ANKRD28: variants seen among roughly 807,000 people sequenced by gnomAD.
ANKRD28 encodes the protein ankyrin repeat domain 28, also known as serine/threonine-protein phosphatase 6 regulatory ankyrin repeat subunit A.
ANKRD28 carries 44 observed loss-of-function variants against 126.5 expected under a neutral mutation model. The observed-to-expected ratio is 0.35, with a 90% CI of 0.27 to 0.45. The LOEUF is 0.45. ANKRD28 is among the 20% of genes least tolerant of loss of function. The probability of loss-of-function intolerance (pLI) is 1.00; values close to 1 mark genes in which losing one functional copy is unlikely to be tolerated. For missense variants in ANKRD28, 1,110 were observed against 1,316.6 expected (o/e 0.84, Z 2.43); for synonymous variants, 442 against 468.5 (o/e 0.94, Z 0.73).
chr3:15,796,772 A>G lies in ANKRD28; in HGVS notation c.-251T>C. 1.0e-6 allele frequency: 1 copy of G among 989,258 alleles called. No individual in the cohort carries two copies. The highest frequency in any genetic ancestry group is 1.7e-5 in the African/African-American group (1 of 57,394). The allele number at this position is 989,258 out of a possible 1,614,324, so 61.3% of individuals were successfully genotyped here. On this transcript the variant is annotated 5_prime_UTR_variant, in exon 1 of 28. Transcript: ENST00000683139. ...TGTTGGATTACTGCAATACTTAAGA[A>G]GAAATTTCACACCAACATGTCAATA... is the stretch of plus-strand genomic sequence containing the variant.
intron 18 of ANKRD28, chr3:15,686,572 G>A: frequency 2.2e-6 from 1 of 456,118 alleles, no homozygotes; most frequent in East Asian, 4.6e-5. Context: ...CTAAAAGAAT[G>A]CTCATTTTAT....
At chr3:15,711,668 A>G (rs1441258477) in intron 11 of ANKRD28, among the ~76,000 whole-genome samples, 1 of 151,970 alleles carries the variant, frequency 6.6e-6, no homozygotes, top group Non-Finnish European at 1.5e-5. Flanking sequence ...TCTTTCTTTA[A>G]CAGGGGATGA....
intron 14 of ANKRD28, among the ~76,000 whole-genome samples, chr3:15,706,569 T>C (rs1172405801): frequency 3.3e-5 from 5 of 152,198 alleles, no homozygotes; most frequent in Non-Finnish European, 1.5e-5. Context: ...TGTGTCTTTA[T>C]AGCAGCATGA....
At chr3:15,694,108 A>G (rs2069186909) in intron 17 of ANKRD28, among the ~76,000 whole-genome samples, 1 of 152,154 alleles carries the variant, frequency 6.6e-6, no homozygotes, top group South Asian at 2.1e-4. Context: ...CTTTCTGTAC[A>G]GGAAGCTAGA....
At chr3:15,774,618 A>G (rs899119393) in intron 2 of ANKRD28, among the ~76,000 whole-genome samples, 1 of 152,194 alleles carries the variant, frequency 6.6e-6, no homozygotes, top group Admixed American at 6.5e-5. Context: ...TATCTTTACA[A>G]CTCAAGTTAG....
At chr3:15,803,839 T>G (rs1260613022) in intron 1 of ANKRD28, among the ~76,000 whole-genome samples, 2 of 144,288 alleles carry the variant, frequency 1.4e-5, no homozygotes, top group Non-Finnish European at 3.0e-5. Context: ...GTGCATTTCA[T>G]GCTCTCAAAC....
intron 14 of ANKRD28, among the ~76,000 whole-genome samples, chr3:15,697,766 C>T (rs2069866386): frequency 1.3e-5 from 2 of 152,146 alleles, no homozygotes; most frequent in South Asian, 2.1e-4. Context: ...AGGGAGGATT[C>T]CCTCTTTTTC....
chr3:15,834,885 A>G (rs2061289001), intron 1 of ANKRD28, among the ~76,000 whole-genome samples: 1 of 152,216 alleles, frequency 6.6e-6, no homozygotes. Context: ...TGCTGATAAT[A>G]CCCAACCTTC....
Position 15,719,014 on chromosome 3 carries a change from A to G in ANKRD28, c.996+1901T>C, listed in dbSNP as rs4685257. ...AAATAAGCAGTTCAAACCTGTAATA[A>G]ATAAACTTTCTAGTAATTACTTAAA... On this transcript the variant is annotated intron_variant, in intron 8 of 27. Transcript: ENST00000683139. Among the ~76,000 whole-genome samples, 1,131 of 152,332 alleles carry G rather than the reference A, an allele frequency of 7.4e-3. 46 individuals carry two copies. The highest frequency in any genetic ancestry group is 0.069 in the Admixed American group (1,050 of 15,282).
At chr3:15,852,161 CACTT>C (rs1007689533) in intron 1 of ANKRD28, among the ~76,000 whole-genome samples, 2 of 152,164 alleles carry the variant, frequency 1.3e-5, no homozygotes, top group African/African-American at 4.8e-5. Context: ...TATTAAAAAA[CACTT>C]AATTGTACAA....
At chr3:15,734,793 C>T (rs1377316743) in intron 6 of ANKRD28, among the ~76,000 whole-genome samples, 2 of 152,214 alleles carry the variant, frequency 1.3e-5, no homozygotes, top group African/African-American at 4.8e-5. Context: ...CCCGGCTCTG[C>T]AAGAACCAAT....
chr3:15,698,267 AC>A (rs1363263855), intron 14 of ANKRD28, among the ~76,000 whole-genome samples: 1 of 152,128 alleles, frequency 6.6e-6, no homozygotes, highest in Non-Finnish European at 1.5e-5. Context: ...GTTATGACAA[AC>A]CCACAGCCAA....
At chr3:15,783,671 C>T (rs1275960168) in intron 2 of ANKRD28, among the ~76,000 whole-genome samples, 1 of 151,954 alleles carries the variant, frequency 6.6e-6, no homozygotes, top group African/African-American at 2.4e-5. Flanking sequence ...TGGAATACTA[C>T]TCAGCAACAG....
At chr3:15,794,465 C>T (rs918220325) in intron 2 of ANKRD28, among the ~76,000 whole-genome samples, 1 of 152,098 alleles carries the variant, frequency 6.6e-6, no homozygotes, top group Non-Finnish European at 1.5e-5. Context: ...TCACCCCCTC[C>T]ATAACTCAGG....
At chr3:15,724,572 C>G in intron 6 of ANKRD28, 48 bp from the exon 7 acceptor site, 1 of 1,489,042 alleles carries the variant, frequency 6.7e-7, no homozygotes, top group Non-Finnish European at 9.0e-7. Flanking sequence ...CATATGAAAA[C>G]TATTAAATAT....
At chr3:15,711,789 C>T (rs1248849783) in intron 11 of ANKRD28, among the ~76,000 whole-genome samples, 3 of 151,776 alleles carry the variant, frequency 2.0e-5, no homozygotes, top group Non-Finnish European at 2.9e-5. Context: ...TGGGTTCAAG[C>T]GATTCTCCTG....
At position 15,843,137 on chromosome 3, in the gene ANKRD28, C is replaced by T. The variant is rs114887452; in HGVS notation, c.27+16240G>A. ...AGGGAGGCCTCAAGAAGCTTTCAAT[C>T]ATGGTGGAAGGCAAAGAGGTAGCAG... is the stretch of plus-strand genomic sequence containing the variant. On this transcript the variant is annotated intron_variant, in intron 1 of 27. Transcript: ENST00000399451. The surrounding 1 kb of genome is among the most constrained non-coding windows in gnomAD (Gnocchi z 5.2). Among the ~76,000 whole-genome samples the T allele has an allele frequency of 0.012, 1,863 of 152,306 alleles. 36 individuals carry two copies. The highest frequency in any genetic ancestry group is 0.043 in the African/African-American group (1,783 of 41,560).
At chr3:15,731,880 G>A (rs1395008079) in intron 6 of ANKRD28, 8 of 136,484 alleles carry the variant, frequency 5.9e-5, no homozygotes, top group Non-Finnish European at 9.2e-5. Context: ...AAAAAGGGGG[G>A]GGGGGTGTGT....
At chr3:15,756,141 C>A (rs764415884) in intron 3 of ANKRD28, among the ~76,000 whole-genome samples, 1 of 152,220 alleles carries the variant, frequency 6.6e-6, no homozygotes, top group Non-Finnish European at 1.5e-5. Context: ...ACGGCCAGAG[C>A]CTATCCTCAC....
Sources: allele counts gnomAD v4.1 joint callset (sites outside exome capture counted in the v4.1 genomes callset), GRCh38; gene constraint gnomAD v4.1.1; non-coding constraint Gnocchi (gnomAD v3.1); transcripts MANE v1.5; gene names NCBI Gene and HGNC (gene_info 2026-07-23, HGNC 2026-07-21).